Variants in HDAC9 observed in about 807,000 individuals in gnomAD.
HDAC9 encodes histone deacetylase 9, also known as MEF-2 interacting transcription repressor (MITR) protein.
In HDAC9, 41 loss-of-function variants were observed where a neutral mutation model predicts 139.4. The ratio of observed to expected loss-of-function variants is 0.29; its 90% confidence interval spans 0.23 to 0.38. The LOEUF (loss-of-function observed/expected upper bound fraction) is 0.38, where lower values mean the gene tolerates loss of function less well. Among genes scored for constraint, HDAC9 ranks in the 10% least tolerant of loss-of-function variants. The pLI is 1.00. For synonymous variants in HDAC9, 517 were observed against 476.2 expected (o/e 1.09, Z -1.12); for missense variants, 1,147 against 1,297.0 (o/e 0.88, Z 1.78).
chr7:18,784,514 CA>C (rs919229671), intron 16 of HDAC9, among the ~76,000 whole-genome samples: 31 of 146,440 alleles, frequency 2.1e-4, no homozygotes, highest in African/African-American at 6.6e-4. Flanking sequence ...AAACAAAAAA[CA>C]AAAAAAAAAC....
chr7:18,980,778 C>CT (rs759757797), intron 25 of HDAC9, among the ~76,000 whole-genome samples: 1 of 95,960 alleles, frequency 1.0e-5, no homozygotes, highest in Non-Finnish European at 2.2e-5. Flanking sequence ...CTTCTTCTTC[C>CT]TCTTCTTCTT....
chr7:18,279,455 T>A (rs1282332522), intron 2 of HDAC9, among the ~76,000 whole-genome samples: 1 of 151,424 alleles, frequency 6.6e-6, no homozygotes, highest in Admixed American at 6.6e-5. Flanking sequence ...CTAGTATGAA[T>A]GTGTGTTTGT....
intron 7 of HDAC9, among the ~76,000 whole-genome samples, chr7:18,631,212 A>T (rs978722409): frequency 6.6e-6 from 1 of 152,136 alleles, no homozygotes; most frequent in African/African-American, 2.4e-5. Flanking sequence ...TAAATTTAAA[A>T]TATATTTCTC....
At chr7:18,343,271 A>G (rs2128664069) in intron 1 of HDAC9, among the ~76,000 whole-genome samples, 1 of 151,920 alleles carries the variant, frequency 6.6e-6, no homozygotes, top group East Asian at 1.9e-4. Context: ...ACCGTTCCCT[A>G]AGGTGAAATG....
intron 1 of HDAC9, among the ~76,000 whole-genome samples, chr7:18,432,269 C>A (rs1013203526): frequency 2.0e-5 from 3 of 152,200 alleles, no homozygotes; most frequent in African/African-American, 7.2e-5. Context: ...GGAAGCATTT[C>A]TTTTTAGCTC....
At chr7:18,305,012 A>C (rs1458279452) in intron 1 of HDAC9, among the ~76,000 whole-genome samples, 1 of 151,766 alleles carries the variant, frequency 6.6e-6, no homozygotes, top group Non-Finnish European at 1.5e-5. Flanking sequence ...GGAAATTCTA[A>C]ATTGTGTTTC....
chr7:18,965,461 G>C lies in HDAC9; in HGVS notation c.3023-10345G>C, dbSNP rs192891559. 2.2e-3 allele frequency among the ~76,000 whole-genome samples: 334 copies of C among 152,228 alleles called. 2 individuals carry two copies. The highest frequency in any genetic ancestry group is 4.2e-3 in the Non-Finnish European group (283 of 68,008). On this transcript the variant is annotated intron_variant, in intron 24 of 25. Coordinates refer to ENST00000686413, the MANE Select transcript of HDAC9 (RefSeq NM_178425.4). ...CTGTTACATGTTGGGAGATTATCTT[G>C]GTTTGGCTTCTACCAGAAACAGATC...
intron 1 of HDAC9, among the ~76,000 whole-genome samples, chr7:18,487,374 G>A (rs1796047824): frequency 6.6e-6 from 1 of 151,960 alleles, no homozygotes; most frequent in Non-Finnish European, 1.5e-5. Context: ...GAAAAATTTG[G>A]GTAATATCCA....
At chr7:18,435,852 C>T (rs545670653) in intron 1 of HDAC9, among the ~76,000 whole-genome samples, 1 of 147,854 alleles carries the variant, frequency 6.8e-6, no homozygotes, top group East Asian at 2.0e-4. Flanking sequence ...AGACATGTTG[C>T]TAAGTGAAAA....
At chr7:18,748,341 A>G (rs1361564341) in intron 13 of HDAC9, among the ~76,000 whole-genome samples, 1 of 152,220 alleles carries the variant, frequency 6.6e-6, no homozygotes, top group Non-Finnish European at 1.5e-5. Context: ...TAGTAGTGGC[A>G]TTGTAATTTA....
chr7:18,983,003 T>A (rs1057395761), intron 25 of HDAC9, among the ~76,000 whole-genome samples: 68 of 152,208 alleles, frequency 4.5e-4, no homozygotes, highest in African/African-American at 1.5e-3. Flanking sequence ...TGTTAAGTGT[T>A]CAGTACAGCA....
chr7:18,734,608 CG>C (rs1404155364), intron 13 of HDAC9, among the ~76,000 whole-genome samples: 1 of 152,132 alleles, frequency 6.6e-6, no homozygotes, highest in Non-Finnish European at 1.5e-5. Context: ...GGTGTATATG[CG>C]CCACATTTTC....
At chr7:18,627,963 T>C (rs1301041722) in intron 6 of HDAC9, among the ~76,000 whole-genome samples, 1 of 152,112 alleles carries the variant, frequency 6.6e-6, no homozygotes, top group Non-Finnish European at 1.5e-5. Context: ...CATCGAAGCT[T>C]AAAGCAAAAA....
intron 2 of HDAC9, among the ~76,000 whole-genome samples, chr7:18,556,383 G>A (rs1196638574): frequency 6.6e-6 from 1 of 152,014 alleles, no homozygotes; most frequent in Non-Finnish European, 1.5e-5. Flanking sequence ...GCAAGGGCTT[G>A]GGTGCCCAAG....
At chr7:18,221,735 G>A (rs757479931) in intron 2 of HDAC9, among the ~76,000 whole-genome samples, 65 of 152,062 alleles carry the variant, frequency 4.3e-4, no homozygotes, top group African/African-American at 1.5e-3. Context: ...TTATGCCTTA[G>A]AGATAGGGAA....
intron 13 of HDAC9, among the ~76,000 whole-genome samples, chr7:18,738,821 G>T (rs1298009193): frequency 6.6e-6 from 1 of 152,114 alleles, no homozygotes; most frequent in African/African-American, 2.4e-5. Flanking sequence ...TGTGAGGTTG[G>T]GGATGTTCTC....
chr7:18,820,112 A>C (rs1445549807), intron 17 of HDAC9, among the ~76,000 whole-genome samples: 1 of 152,160 alleles, frequency 6.6e-6, no homozygotes, highest in African/African-American at 2.4e-5. Flanking sequence ...AAAATGAAAA[A>C]ATTTTCTATT....
intron 1 of HDAC9, among the ~76,000 whole-genome samples, chr7:18,346,448 G>A (rs1782422206): frequency 6.6e-6 from 1 of 152,044 alleles, no homozygotes; most frequent in South Asian, 2.1e-4. Context: ...TTTGTTAGAT[G>A]TCACAACCGC....
At chr7:18,710,847 A>G (rs531617927) in intron 12 of HDAC9, among the ~76,000 whole-genome samples, 1 of 152,350 alleles carries the variant, frequency 6.6e-6, no homozygotes, top group African/African-American at 2.4e-5. Flanking sequence ...TTATTCAGTG[A>G]CAGAGATTAG....
Sources: gnomAD v4.1 joint callset for allele counts (sites outside exome capture counted in the v4.1 genomes callset) on GRCh38, gnomAD v4.1.1 for gene constraint, MANE v1.5 for transcripts, NCBI Gene and HGNC (gene_info 2026-07-23, HGNC 2026-07-21) for gene names.